The following CNTNAP5 variants were observed in gnomAD, a reference collection of about 807,000 sequenced individuals.
CNTNAP5 encodes contactin-associated protein-like 5.
In CNTNAP5, 72 loss-of-function variants were observed where a neutral mutation model predicts 150.2. That is an observed-to-expected ratio of 0.48 (90% confidence interval 0.40 to 0.58). The LOEUF (loss-of-function observed/expected upper bound fraction) is 0.58. Among genes scored for constraint, CNTNAP5 ranks in the 20% least tolerant of loss-of-function variants. CNTNAP5 has a pLI of 0.00. For missense variants in CNTNAP5, 1,636 were observed against 1,626.2 expected (o/e 1.01, Z -0.10); for synonymous variants, 672 against 619.8 (o/e 1.08, Z -1.25).
intron 5 of CNTNAP5, 151 bp from the exon 6 acceptor site, chr2:124,446,602 C>T (rs1692822343): frequency 1.5e-6 from 1 of 667,702 alleles, no homozygotes; most frequent in African/African-American, 1.8e-5. Flanking sequence ...GCCTGTTATT[C>T]CTTCCCAGGT....
intron 10 of CNTNAP5, among the ~76,000 whole-genome samples, chr2:124,544,516 A>G (rs1695468407): frequency 6.6e-6 from 1 of 152,176 alleles, no homozygotes; most frequent in African/African-American, 2.4e-5. Flanking sequence ...GGAATGTAAT[A>G]TAATTATTGC....
intron 13 of CNTNAP5, among the ~76,000 whole-genome samples, chr2:124,741,646 A>G (rs1680499823): frequency 6.6e-6 from 1 of 152,180 alleles, no homozygotes; most frequent in African/African-American, 2.4e-5. Flanking sequence ...TACATATTCT[A>G]CTTGAGGAAA....
Position 124,407,903 on chromosome 2 carries a change from C to T in CNTNAP5, c.382-9540C>T, listed in dbSNP as rs145359720. ...AGCCAAGATGGCCGAATAGGAACAG[C>T]TCCGGTCTACAGCTCCCAGCGTGAG... On this transcript the variant is annotated intron_variant, in intron 3 of 23. Transcript: ENST00000682447. Among the ~76,000 whole-genome samples the T allele has an allele frequency of 5.5e-3, 844 of 152,264 alleles. 2 individuals are homozygous for T. The highest frequency in any genetic ancestry group is 0.017 in the Middle Eastern group (5 of 294).
At chr2:124,331,350 T>C (rs1689345568) in intron 3 of CNTNAP5, among the ~76,000 whole-genome samples, 1 of 152,096 alleles carries the variant, frequency 6.6e-6, no homozygotes, top group Non-Finnish European at 1.5e-5. Context: ...CCATGACATA[T>C]CAGATATTTA....
intron 1 of CNTNAP5, among the ~76,000 whole-genome samples, chr2:124,211,485 C>T (rs1017085071): frequency 6.6e-6 from 1 of 151,676 alleles, no homozygotes; most frequent in East Asian, 1.9e-4. Context: ...CTGGTCTGGT[C>T]TCTTTGCAAA....
chr2:124,860,424 C>G (rs62173279), intron 19 of CNTNAP5, among the ~76,000 whole-genome samples: 3 of 119,540 alleles, frequency 2.5e-5, no homozygotes, highest in African/African-American at 1.9e-4. Context: ...CCCTTCCTTC[C>G]TTCCTTCCTT....
chr2:124,754,247 T>G (rs1016432067), intron 14 of CNTNAP5, among the ~76,000 whole-genome samples: 7 of 152,156 alleles, frequency 4.6e-5, no homozygotes, highest in African/African-American at 1.4e-4. Flanking sequence ...ACACTAACGT[T>G]CTATCCCTTA....
At chr2:124,057,714 T>C (rs1484960086) in intron 1 of CNTNAP5, among the ~76,000 whole-genome samples, 2 of 151,700 alleles carry the variant, frequency 1.3e-5, no homozygotes, top group Non-Finnish European at 2.9e-5. Flanking sequence ...TTTACCAGAA[T>C]GAATCTTTTA....
At chr2:124,217,318 A>G (rs75047629) in intron 1 of CNTNAP5, among the ~76,000 whole-genome samples, 2,570 of 152,274 alleles carry the variant, frequency 0.017, 37 homozygotes, top group South Asian at 0.031. Context: ...GAATATTCAC[A>G]TACACTTTTG....
At chr2:124,065,084 C>T (rs1682121230) in intron 1 of CNTNAP5, among the ~76,000 whole-genome samples, 1 of 152,070 alleles carries the variant, frequency 6.6e-6, no homozygotes. Flanking sequence ...GTGGATACGC[C>T]ACATATATTG....
At chr2:124,632,334 A>G (rs186623353) in intron 12 of CNTNAP5, among the ~76,000 whole-genome samples, 75 of 152,368 alleles carry the variant, frequency 4.9e-4, no homozygotes, top group East Asian at 2.5e-3. Flanking sequence ...CTGGATAAAG[A>G]AAATGTGGTA....
intron 13 of CNTNAP5, among the ~76,000 whole-genome samples, chr2:124,650,349 G>A (rs566959468): frequency 8.5e-5 from 13 of 152,262 alleles, no homozygotes; most frequent in South Asian, 4.2e-4. Context: ...GTGTGATTTA[G>A]CTTCACACTT....
At chr2:124,574,334 A>G (rs1020114757) in intron 11 of CNTNAP5, among the ~76,000 whole-genome samples, 2 of 152,228 alleles carry the variant, frequency 1.3e-5, no homozygotes, top group Non-Finnish European at 2.9e-5. Flanking sequence ...GTCACTAAGG[A>G]AAACTGTTTT....
intron 13 of CNTNAP5, among the ~76,000 whole-genome samples, chr2:124,710,316 G>A (rs1465483981): frequency 6.6e-6 from 1 of 152,124 alleles, no homozygotes; most frequent in East Asian, 1.9e-4. Context: ...ACAATTTCAG[G>A]CTACCTCTGG....
chr2:124,277,485 G>T (rs907500874), intron 3 of CNTNAP5, among the ~76,000 whole-genome samples: 1 of 152,026 alleles, frequency 6.6e-6, no homozygotes, highest in Non-Finnish European at 1.5e-5. Flanking sequence ...ACAGTCTATA[G>T]GTTTATTCCT....
chr2:124,638,631 G>A (rs1466706810), intron 12 of CNTNAP5, among the ~76,000 whole-genome samples: 1 of 152,058 alleles, frequency 6.6e-6, no homozygotes, highest in Non-Finnish European at 1.5e-5. Flanking sequence ...TGCACACACT[G>A]GCTGATCAGA....
chr2:124,557,964 G>A (rs943328320), intron 10 of CNTNAP5, among the ~76,000 whole-genome samples: 1 of 152,122 alleles, frequency 6.6e-6, no homozygotes, highest in African/African-American at 2.4e-5. Context: ...GTAGGGGTGA[G>A]TTGAGAGTGT....
intron 19 of CNTNAP5, among the ~76,000 whole-genome samples, chr2:124,820,937 A>G (rs1234532020): frequency 6.6e-6 from 1 of 152,178 alleles, no homozygotes; most frequent in Non-Finnish European, 1.5e-5. Flanking sequence ...TCTATTTCTC[A>G]AGATAGAAGA....
chr2:124,293,515 A>T, intron 3 of CNTNAP5, among the ~76,000 whole-genome samples: 1 of 152,226 alleles, frequency 6.6e-6, no homozygotes, highest in East Asian at 1.9e-4. Context: ...AACTAAAAGA[A>T]TATCAATAGC....
Sources: gnomAD v4.1 joint callset for allele counts (sites outside exome capture counted in the v4.1 genomes callset) on GRCh38, gnomAD v4.1.1 for gene constraint, MANE v1.5 for transcripts, NCBI Gene and HGNC (gene_info 2026-07-23, HGNC 2026-07-21) for gene names.